The following IRAG2 variants were observed in gnomAD, a reference collection of about 807,000 sequenced individuals.
IRAG2 encodes the protein lymphoid restricted membrane protein.
In IRAG2, 45 loss-of-function variants were observed where a neutral mutation model predicts 69.9. The ratio of observed to expected loss-of-function variants is 0.64; its 90% CI spans 0.51 to 0.83. IRAG2 has a LOEUF of 0.83. IRAG2 is among the 40% of genes least tolerant of loss of function. IRAG2 has a pLI of 0.00. For synonymous variants in IRAG2, 193 were observed against 202.4 expected (o/e 0.95, Z 0.40); for missense variants, 520 against 587.0 (o/e 0.89, Z 1.18).
chr12:25,068,173 G>T (rs1417714912), intron 5 of IRAG2, among the ~76,000 whole-genome samples: 1 of 152,144 alleles, frequency 6.6e-6, no homozygotes, highest in East Asian at 1.9e-4. Flanking sequence ...GTTTCTCCAT[G>T]TTGCCCAGGC....
Position 25,096,977 on chromosome 12 carries a change from TAA to T in IRAG2, c.676_677del (p.Lys226ValfsTer3). On this transcript the variant is annotated frameshift_variant, in exon 15 of 22. Transcript: ENST00000556887. LOFTEE classifies it high-confidence loss of function. ...ATCATTAAGAAGCTGGAGAAGAGTA[TAA>T]AGTTTCTTAGCCAGTGTGCAGCACG... 6.2e-7 allele frequency: 1 copy of T among 1,613,724 alleles called. No homozygotes were observed. Among genetic ancestry groups the T allele is most frequent in the Non-Finnish European group, 8.5e-7 (1 of 1,179,756 alleles).
rs574771604 is a variant in IRAG2 at position 25,046,072 on chromosome 12, T to C, written c.2145-6163T>C. On this transcript the variant is annotated intron_variant, in intron 16 of 38. Coordinates refer to the IRAG2 transcript ENST00000636465. ...GCAAGGATGGTTCAATATATGCAAATTGATTATCTTGATATACCACATTAA... is the reference window on the plus strand; with the variant it reads ...GCAAGGATGGTTCAATATATGCAAACTGATTATCTTGATATACCACATTAA... 3.1e-3 allele frequency among the ~76,000 whole-genome samples: 466 copies of C among 152,214 alleles called. 3 individuals carry two copies. The highest frequency in any genetic ancestry group is 6.8e-3 in the Middle Eastern group (2 of 294).
chr12:25,101,483 G>A (rs1948746276), intron 16 of IRAG2, among the ~76,000 whole-genome samples, 158 bp downstream of exon 16: 1 of 152,204 alleles, frequency 6.6e-6, no homozygotes, highest in African/African-American at 2.4e-5. Flanking sequence ...AAAGTGAGGT[G>A]TCAGAAAACA....
rs900599510 is a variant in IRAG2, at chr12:25,005,393, T to G, written c.688+39T>G. On this transcript the variant is annotated intron_variant, in intron 2 of 38. Transcript: ENST00000636465. ...TATCTGTTTAAACATTTGGTAGGAC[T>G]GTCCAAGTCATCTGAACTTTCTATT... is the stretch of plus-strand genomic sequence containing the variant. 8 of 880,464 alleles carry G rather than the reference T, an allele frequency of 9.1e-6. No homozygotes were observed. In the South Asian group the frequency reaches 3.5e-4, roughly 38 times the overall value. 54.5% of individuals were successfully genotyped at this position (880,464 alleles called of 1,614,324 possible). A position where few individuals can be genotyped will look rare whatever the true frequency, so the allele number is the denominator to read the frequency against.
chr12:25,101,170 C>T lies in IRAG2; in HGVS notation c.742-8C>T, dbSNP rs1479245681. ...CAATGTAAATGTGCTCGTTTTTTCT[C>T]TTGCTAGGAAAGCCGGGTTAGTAAA... is the stretch of plus-strand genomic sequence containing the variant. On this transcript the variant is annotated splice_region_variant and splice_polypyrimidine_tract_variant and intron_variant, in intron 15 of 21. Transcript: ENST00000556887. 2 of 1,586,384 alleles carry T rather than the reference C, an allele frequency of 1.3e-6. No individual in the cohort carries two copies. Among genetic ancestry groups the T allele is most frequent in the African/African-American group, 1.4e-5 (1 of 73,600 alleles).
At chr12:25,105,071 GTTTTTTTT>G (rs10583191) in intron 20 of IRAG2, among the ~76,000 whole-genome samples, 1 of 87,644 alleles carries the variant, frequency 1.1e-5, no homozygotes, top group Non-Finnish European at 2.2e-5. Context: ...CTTGGTCTCA[GTTTTTTTT>G]TTTTTTTTTT....
chr12:25,036,914 TA>T (rs1235441896), intron 15 of IRAG2, among the ~76,000 whole-genome samples: 19 of 151,496 alleles, frequency 1.3e-4, no homozygotes, highest in Non-Finnish European at 2.7e-4. Context: ...GAGAAAATAA[TA>T]AATAAGATGA....
At chr12:25,057,460 T>A (rs1945338941) in intron 1 of IRAG2, among the ~76,000 whole-genome samples, 1 of 151,568 alleles carries the variant, frequency 6.6e-6, no homozygotes, top group Non-Finnish European at 1.5e-5. Context: ...GATCTTGCAG[T>A]GTTGCCTAGG....
At chr12:25,046,183 C>T (rs1944791714) in intron 16 of IRAG2, among the ~76,000 whole-genome samples, 3 of 152,112 alleles carry the variant, frequency 2.0e-5, no homozygotes, top group African/African-American at 4.8e-5. Flanking sequence ...TGTGTAAAAA[C>T]TCTTAAGAAA....
At chr12:25,054,363 T>C (rs1945088457) in intron 1 of IRAG2, among the ~76,000 whole-genome samples, 1 of 152,212 alleles carries the variant, frequency 6.6e-6, no homozygotes, top group African/African-American at 2.4e-5. Flanking sequence ...TGCCCAGGAC[T>C]ATTCTTTTGC....
At chr12:25,011,473 A>G in exon 3 of IRAG2, 2 of 1,231,664 alleles carry the variant, frequency 1.6e-6, no homozygotes, top group South Asian at 8.2e-5. Flanking sequence ...CTTGATCCTG[A>G]GAAGAGAGAC....
chr12:25,064,720 T>G lies in IRAG2; in HGVS notation c.-207+904T>G, dbSNP rs149590699. ...GGAGTGTCTATTTTGTGTCAGGCAG[T>G]ATAAATTAGTGCTTTTTAGAGATTA... On this transcript the variant is annotated intron_variant, in intron 4 of 21. Transcript: ENST00000556887. 8.5e-5 allele frequency among the ~76,000 whole-genome samples: 13 copies of G among 152,298 alleles called. No homozygotes were observed. The East Asian group carries it at 2.3e-3, about 27-fold the overall frequency.
chr12:25,085,485 G>A (rs1412941536), intron 10 of IRAG2, among the ~76,000 whole-genome samples: 1 of 152,090 alleles, frequency 6.6e-6, no homozygotes, highest in Non-Finnish European at 1.5e-5. Flanking sequence ...TTCCACTATT[G>A]TCAGTCTGCC....
chr12:25,090,328 G>T, intron 14 of IRAG2, 131 bp downstream of exon 14: 1 of 777,046 alleles, frequency 1.3e-6, no homozygotes, highest in Middle Eastern at 3.5e-4. Flanking sequence ...GATCACTTGA[G>T]GCCCGGAGTT....
chr12:25,065,826 C>T (rs527293646), intron 4 of IRAG2, among the ~76,000 whole-genome samples: 2 of 152,334 alleles, frequency 1.3e-5, no homozygotes, highest in South Asian at 4.1e-4. Context: ...CATGCCATCA[C>T]ACCCAGTTAA....
intron 10 of IRAG2, among the ~76,000 whole-genome samples, chr12:25,031,428 GA>G (rs1944666598): frequency 1.3e-5 from 2 of 152,124 alleles, no homozygotes; most frequent in Non-Finnish European, 1.5e-5. Flanking sequence ...TCTTGTAGAA[GA>G]AAACAATGAT....
exon 3 of IRAG2, chr12:25,011,422 A>G (rs996872000): frequency 1.3e-5 from 16 of 1,231,736 alleles, no homozygotes; most frequent in Non-Finnish European, 1.6e-5. Flanking sequence ...ACAACTAGCC[A>G]AAATTCTGAA....
At chr12:25,009,086 T>C (rs1944454902) in intron 2 of IRAG2, among the ~76,000 whole-genome samples, 1 of 152,206 alleles carries the variant, frequency 6.6e-6, no homozygotes, top group Non-Finnish European at 1.5e-5. Context: ...GAAGATCACT[T>C]GAGGCCAGGA....
At chr12:25,047,133 G>T (rs1367591433) in intron 16 of IRAG2, among the ~76,000 whole-genome samples, 1 of 152,076 alleles carries the variant, frequency 6.6e-6, no homozygotes, top group Non-Finnish European at 1.5e-5. Context: ...ACAGACAAAA[G>T]AATGAAATTG....
Sources: allele counts gnomAD v4.1 joint callset (sites outside exome capture counted in the v4.1 genomes callset), GRCh38; gene constraint gnomAD v4.1.1; transcripts MANE v1.5; gene names NCBI Gene and HGNC (gene_info 2026-07-23, HGNC 2026-07-21).